Variants in LINGO2 observed in about 807,000 individuals in gnomAD.
The protein encoded by LINGO2 is leucine rich repeat and Ig domain containing 2.
In LINGO2, 14 loss-of-function variants were observed where a neutral mutation model predicts 30.6. The ratio of observed to expected loss-of-function variants is 0.46; its 90% CI spans 0.30 to 0.72. The LOEUF is 0.72. Ranked by LOEUF, LINGO2 falls within the 30% of genes least tolerant of loss-of-function variation. The probability of loss-of-function intolerance (pLI) is 0.07; values close to 1 mark genes in which losing one functional copy is unlikely to be tolerated. For synonymous variants in LINGO2, 317 were observed against 288.5 expected (o/e 1.10, Z -1.00); for missense variants, 729 against 751.7 (o/e 0.97, Z 0.35).
At chr9:28,510,966 G>C (rs904300116) in intron 1 of LINGO2, among the ~76,000 whole-genome samples, 1 of 151,988 alleles carries the variant, frequency 6.6e-6, no homozygotes, top group Admixed American at 6.6e-5. Flanking sequence ...TGTGGGTGTA[G>C]GCCAGTCTCT....
chr9:29,005,588 G>A, the LINGO2 span, among the ~76,000 whole-genome samples: 6 of 151,982 alleles, frequency 3.9e-5, no homozygotes, highest in Admixed American at 3.9e-4. Flanking sequence ...AGATATACAT[G>A]CTATGTTAAT....
chr9:28,286,596 T>C (rs1208641463), intron 4 of LINGO2, among the ~76,000 whole-genome samples: 2 of 152,158 alleles, frequency 1.3e-5, no homozygotes, highest in East Asian at 3.9e-4. Flanking sequence ...AAAGAAAATG[T>C]AGTACGTATA....
chr9:28,213,375 G>A (rs1587238973), intron 4 of LINGO2, among the ~76,000 whole-genome samples: 1 of 151,396 alleles, frequency 6.6e-6, no homozygotes, highest in Non-Finnish European at 1.5e-5. Flanking sequence ...AATAGTCCAT[G>A]CAGCCACAAA....
the LINGO2 span, among the ~76,000 whole-genome samples, chr9:29,107,812 C>A: frequency 6.6e-6 from 1 of 151,768 alleles, no homozygotes; most frequent in Non-Finnish European, 1.5e-5. Context: ...GATGTTGCAT[C>A]AAATCTACTG....
chr9:29,174,784 C>A, the LINGO2 span, among the ~76,000 whole-genome samples: 1 of 152,220 alleles, frequency 6.6e-6, no homozygotes, highest in Non-Finnish European at 1.5e-5. Flanking sequence ...GGATGTAATT[C>A]AGATGCCTAT....
the LINGO2 span, among the ~76,000 whole-genome samples, chr9:28,765,823 C>T: frequency 6.6e-6 from 1 of 152,012 alleles, no homozygotes; most frequent in Non-Finnish European, 1.5e-5. Flanking sequence ...CAAAACAAGA[C>T]CGAGACAAAT....
At chr9:28,056,014 T>A (rs769198702) in intron 4 of LINGO2, among the ~76,000 whole-genome samples, 2 of 152,072 alleles carry the variant, frequency 1.3e-5, no homozygotes, top group African/African-American at 4.8e-5. Flanking sequence ...AGAAAGAACA[T>A]AGAAATGAAA....
chr9:28,711,205 A>C, the LINGO2 span, among the ~76,000 whole-genome samples: 2 of 152,274 alleles, frequency 1.3e-5, no homozygotes, highest in East Asian at 1.9e-4. Context: ...ATATATTTTT[A>C]TGTGCTTAAT....
intron 4 of LINGO2, among the ~76,000 whole-genome samples, chr9:28,288,837 A>G (rs1043162180): frequency 1.3e-5 from 2 of 152,174 alleles, no homozygotes; most frequent in African/African-American, 4.8e-5. Flanking sequence ...CAAGGGATGT[A>G]TTGCATACAC....
chr9:29,081,640 T>C, the LINGO2 span, among the ~76,000 whole-genome samples: 1 of 152,126 alleles, frequency 6.6e-6, no homozygotes, highest in East Asian at 1.9e-4. Context: ...GGAAGTCAAA[T>C]TGTCCCTGTT....
At chr9:28,552,644 A>AT (rs1018381142) in intron 1 of LINGO2, among the ~76,000 whole-genome samples, 104 of 140,534 alleles carry the variant, frequency 7.4e-4, no homozygotes, top group East Asian at 2.5e-3. Flanking sequence ...ACTTTTTATG[A>AT]TTTTTTTTTT....
At chr9:28,017,497 G>C (rs1279094079) in intron 4 of LINGO2, among the ~76,000 whole-genome samples, 1 of 152,032 alleles carries the variant, frequency 6.6e-6, no homozygotes, top group Non-Finnish European at 1.5e-5. Flanking sequence ...AAAATTTCAG[G>C]ATACAAAAAT....
chr9:28,876,664 G>C, the LINGO2 span, among the ~76,000 whole-genome samples: 1 of 152,058 alleles, frequency 6.6e-6, no homozygotes, highest in Non-Finnish European at 1.5e-5. Flanking sequence ...TGGACATTTG[G>C]GTTGGTTCCA....
At chr9:28,070,844 C>A (rs922372248) in intron 4 of LINGO2, among the ~76,000 whole-genome samples, 3 of 152,116 alleles carry the variant, frequency 2.0e-5, no homozygotes, top group African/African-American at 7.2e-5. Flanking sequence ...TCCCAAGTAG[C>A]TGGGACTACA....
intron 5 of LINGO2, among the ~76,000 whole-genome samples, chr9:27,962,463 G>A (rs941791969): frequency 5.9e-5 from 9 of 152,080 alleles, no homozygotes; most frequent in South Asian, 4.1e-4. Flanking sequence ...CAGCTCCAAA[G>A]TGAAGGACTG....
intron 1 of LINGO2, chr9:28,598,638 G>A (rs1825320569): frequency 6.6e-6 from 1 of 152,330 alleles, no homozygotes; most frequent in East Asian, 1.9e-4. Flanking sequence ...GTGGCCAGCT[G>A]TGTGATGTGG....
At chr9:28,824,138 C>A in the LINGO2 span, among the ~76,000 whole-genome samples, 3 of 152,158 alleles carry the variant, frequency 2.0e-5, no homozygotes. Flanking sequence ...GTTTGTTTCA[C>A]GGTAATAACT....
the LINGO2 span, among the ~76,000 whole-genome samples, chr9:29,024,173 T>C: frequency 1.3e-5 from 2 of 152,214 alleles, no homozygotes; most frequent in East Asian, 1.9e-4. Flanking sequence ...ATAGATCTGA[T>C]CATATAAATT....
chr9:28,051,963 C>T (rs950539104), intron 4 of LINGO2, among the ~76,000 whole-genome samples: 57 of 152,050 alleles, frequency 3.7e-4, no homozygotes, highest in Admixed American at 1.3e-3. Context: ...GCCCTGGGCA[C>T]TGTAAGCATT....
Sources: allele counts gnomAD v4.1 joint callset (sites outside exome capture counted in the v4.1 genomes callset), GRCh38; gene constraint gnomAD v4.1.1; transcripts MANE v1.5; gene names NCBI Gene and HGNC (gene_info 2026-07-23, HGNC 2026-07-21).